The following TMTC2 variants were observed in gnomAD, a reference collection of about 807,000 sequenced individuals.
TMTC2 encodes transmembrane O-mannosyltransferase targeting cadherins 2, also known as protein O-mannosyl-transferase TMTC2.
A neutral mutation model predicts 82.4 loss-of-function variants in TMTC2; 43 were observed. That is an observed-to-expected ratio of 0.52 (90% CI 0.41 to 0.67). The LOEUF (loss-of-function observed/expected upper bound fraction) is 0.67. TMTC2 is among the 30% of genes least tolerant of loss of function. The probability of loss-of-function intolerance (pLI) is 0.00; values close to 1 mark genes in which losing one functional copy is unlikely to be tolerated. For synonymous variants in TMTC2, 408 were observed against 381.9 expected (o/e 1.07, Z -0.80); for missense variants, 919 against 1,012.4 (o/e 0.91, Z 1.25).
chr12:82,917,792 C>T (rs1565809110), intron 3 of TMTC2, among the ~76,000 whole-genome samples: 1 of 152,128 alleles, frequency 6.6e-6, no homozygotes, highest in African/African-American at 2.4e-5. Context: ...TTAGTAGAGA[C>T]AGGGTTTCAC....
rs1431955595 is a variant in TMTC2 at position 82,965,764 on chromosome 12, GT to G, written c.1869+21del. The stretch of plus-strand genomic sequence containing the variant: ...TATGAGGTCTGGCCAATGCCTCTCT[GT>G]CCTTTTCCCTCCCCCTTGTTCTGAT... On this transcript the variant is annotated intron_variant, in intron 6 of 11. Transcript: ENST00000321196. 2 of 1,612,752 alleles carry G rather than the reference GT, an allele frequency of 1.2e-6. 1 individual carries two copies. Among genetic ancestry groups the G allele is most frequent in the South Asian group, 2.2e-5 (2 of 91,064 alleles).
chr12:82,904,687 G>A (rs1394106363), intron 3 of TMTC2, among the ~76,000 whole-genome samples: 3 of 152,098 alleles, frequency 2.0e-5, no homozygotes, highest in Admixed American at 6.6e-5. Context: ...TGTTTCCCCC[G>A]TTCGCCTTTA....
intron 1 of TMTC2, among the ~76,000 whole-genome samples, chr12:82,708,994 T>C (rs566403308): frequency 3.3e-5 from 5 of 152,330 alleles, no homozygotes; most frequent in Non-Finnish European, 5.9e-5. Context: ...GCTTGGTTGT[T>C]GACAGACTCG....
At chr12:82,863,978 A>G (rs1445898752) in intron 2 of TMTC2, among the ~76,000 whole-genome samples, 4 of 152,172 alleles carry the variant, frequency 2.6e-5, no homozygotes, top group Admixed American at 1.3e-4. Context: ...TGAGGGGATC[A>G]AGAAATGCCT....
At chr12:82,886,779 A>G (rs1172515659) in intron 2 of TMTC2, among the ~76,000 whole-genome samples, 1 of 152,194 alleles carries the variant, frequency 6.6e-6, no homozygotes, top group Non-Finnish European at 1.5e-5. Flanking sequence ...AACAACTATG[A>G]CAACTTGATT....
chr12:82,826,619 CT>C (rs1168092218), intron 1 of TMTC2, among the ~76,000 whole-genome samples: 2 of 152,184 alleles, frequency 1.3e-5, no homozygotes, highest in African/African-American at 4.8e-5. Context: ...GCAACATTTG[CT>C]TCAAATCATT....
intron 1 of TMTC2, among the ~76,000 whole-genome samples, chr12:82,735,118 C>T (rs1315094655): frequency 6.6e-6 from 1 of 152,130 alleles, no homozygotes; most frequent in Non-Finnish European, 1.5e-5. Context: ...TTGCCTTGAG[C>T]ACAGAATTTC....
At chr12:82,696,964 G>GTGTATATATATATATATATATATATATA (rs374532592) in intron 1 of TMTC2, among the ~76,000 whole-genome samples, 25 of 141,550 alleles carry the variant, frequency 1.8e-4, no homozygotes, top group East Asian at 4.6e-4. Context: ...ACATACATAC[G>GTGTATATATATATATATATATATATATA]TATATATATA....
chr12:82,974,565 G>A (rs2137318248), intron 7 of TMTC2, among the ~76,000 whole-genome samples: 1 of 152,244 alleles, frequency 6.6e-6, no homozygotes, highest in East Asian at 1.9e-4. Context: ...GCAACTGTAG[G>A]GGTAGAAAGA....
chr12:82,786,567 TA>T (rs1469007068), intron 1 of TMTC2, among the ~76,000 whole-genome samples: 2 of 152,102 alleles, frequency 1.3e-5, no homozygotes, highest in African/African-American at 4.8e-5. Context: ...AAATTTGGGG[TA>T]AAAAAATGAG....
chr12:82,716,095 T>G (rs1274267331), intron 1 of TMTC2, among the ~76,000 whole-genome samples: 1 of 152,216 alleles, frequency 6.6e-6, no homozygotes, highest in Non-Finnish European at 1.5e-5. Flanking sequence ...TGTTTCTTCT[T>G]TTTTGGGGTC....
intron 1 of TMTC2, among the ~76,000 whole-genome samples, chr12:82,822,467 A>G (rs564457735): frequency 2.7e-4 from 41 of 152,284 alleles, no homozygotes; most frequent in Middle Eastern, 3.4e-3. Flanking sequence ...GCTCTAAAAA[A>G]TAAGTTATAT....
intron 11 of TMTC2, among the ~76,000 whole-genome samples, chr12:83,124,817 C>A (rs768017893): frequency 2.0e-5 from 3 of 151,444 alleles, no homozygotes; most frequent in Non-Finnish European, 2.9e-5. Flanking sequence ...ACATGATTTG[C>A]GTTTTAGAAA....
chr12:82,918,054 G>A (rs977200936), intron 3 of TMTC2, among the ~76,000 whole-genome samples: 3 of 152,002 alleles, frequency 2.0e-5, no homozygotes, highest in African/African-American at 7.2e-5. Context: ...CCTCACCCCA[G>A]CCTACAGCAT....
At chr12:82,752,222 C>A (rs117245064) in intron 1 of TMTC2, among the ~76,000 whole-genome samples, 2 of 149,150 alleles carry the variant, frequency 1.3e-5, no homozygotes, top group Non-Finnish European at 3.0e-5. Context: ...TGGTGACTCA[C>A]GCCTGTAATC....
rs758181428 is a variant in TMTC2 at position 82,896,202 on chromosome 12, C to T, written c.1039C>T (p.Gln347Ter). The change falls in exon 3 of 12, where the codon CAG (glutamine) becomes TAG (stop). Residue 347 changes from glutamine (Q) to a stop codon, truncating the protein, a stop_gained. Transcript: ENST00000321196. LOFTEE classifies it high-confidence loss of function. ...TGGGAAAACTGTAACAAATGGCAAG[C>T]AGAATGCAAATGGACATAGCTGCCT... is the stretch of plus-strand genomic sequence containing the variant. ...CNGKTVTNGKQNANGHSCLSD... is the reference protein window; with the variant it reads ...CNGKTVTNGK 6.2e-7 allele frequency: 1 copy of T among 1,614,000 alleles called. No homozygotes were observed. The highest frequency in any genetic ancestry group is 8.5e-7 in the Non-Finnish European group (1 of 1,180,026).
In TMTC2 at chr12:82,844,866, A is replaced by T. The variant is rs976598731; in HGVS notation, c.84-12144A>T. Among the ~76,000 whole-genome samples, 21 of 152,086 alleles carry T rather than the reference A, an allele frequency of 1.4e-4. 2 individuals carry two copies. The highest frequency in any genetic ancestry group is 6.5e-4 in the Admixed American group (10 of 15,286). On this transcript the variant is annotated intron_variant, in intron 1 of 11. Transcript: ENST00000321196. ...ATTTTTGAAAGCATCGAACTTCATT[A>T]AAAAAAGTATAATCTCGTATTCATT...
chr12:82,943,545 C>T (rs540744473), intron 4 of TMTC2, among the ~76,000 whole-genome samples: 4 of 152,162 alleles, frequency 2.6e-5, no homozygotes, highest in African/African-American at 9.7e-5. Flanking sequence ...ATTTTGCACT[C>T]CTGTTCTCTG....
intron 7 of TMTC2, among the ~76,000 whole-genome samples, chr12:82,968,626 T>TTTG (rs1052055943): frequency 6.6e-6 from 1 of 152,140 alleles, no homozygotes; most frequent in Non-Finnish European, 1.5e-5. Context: ...CATGTAGTAT[T>TTTG]TTGTTGTTGT....
Sources: gnomAD v4.1 joint callset for allele counts (sites outside exome capture counted in the v4.1 genomes callset) on GRCh38, gnomAD v4.1.1 for gene constraint, MANE v1.5 for transcripts, NCBI Gene and HGNC (gene_info 2026-07-23, HGNC 2026-07-21) for gene names.